Variants in RASA1 observed in about 807,000 individuals in gnomAD.
RASA1 encodes ras GTPase-activating protein 1.
Under a neutral mutation model 132.2 loss-of-function variants are expected in RASA1, and 25 were observed. The ratio of observed to expected loss-of-function variants is 0.19; its 90% CI spans 0.14 to 0.26. RASA1 has a LOEUF of 0.26. Among genes scored for constraint, RASA1 ranks in the 10% least tolerant of loss-of-function variants. The pLI is 1.00. For synonymous variants in RASA1, 477 were observed against 449.9 expected, an observed-to-expected ratio of 1.06 and a Z score of -0.76; for missense variants, 964 against 1,299.2, an observed-to-expected ratio of 0.74 and a Z score of 3.97.
chr5:87,316,347 C>A (rs1180930825), intron 1 of RASA1, among the ~76,000 whole-genome samples: 1 of 152,014 alleles, frequency 6.6e-6, no homozygotes, highest in South Asian at 2.1e-4. Flanking sequence ...AAAATAGCTG[C>A]GGAAAAAATA....
intron 1 of RASA1, among the ~76,000 whole-genome samples, chr5:87,280,602 C>T (rs948148467): frequency 6.6e-6 from 1 of 152,206 alleles, no homozygotes; most frequent in African/African-American, 2.4e-5. Flanking sequence ...CGTGAGCCAC[C>T]TCGCCCAGCT....
At chr5:87,280,958 A>G (rs1402473338) in intron 1 of RASA1, among the ~76,000 whole-genome samples, 2 of 150,150 alleles carry the variant, frequency 1.3e-5, no homozygotes, top group African/African-American at 4.9e-5. Context: ...ATAATGTTCC[A>G]TTGCATGTAT....
intron 1 of RASA1, among the ~76,000 whole-genome samples, chr5:87,307,750 C>T (rs1755687247): frequency 6.6e-6 from 1 of 152,084 alleles, no homozygotes; most frequent in Admixed American, 6.5e-5. Context: ...TCTCCAAGAA[C>T]CAACTTTTGT....
chr5:87,365,166 G>C (rs553177523), intron 11 of RASA1, among the ~76,000 whole-genome samples: 6 of 152,292 alleles, frequency 3.9e-5, no homozygotes, highest in African/African-American at 1.4e-4. Flanking sequence ...TTCCTAACCA[G>C]TGTTCCATTA....
At chr5:87,297,354 A>G (rs539021348) in intron 1 of RASA1, among the ~76,000 whole-genome samples, 13 of 152,184 alleles carry the variant, frequency 8.5e-5, no homozygotes, top group Non-Finnish European at 1.6e-4. Flanking sequence ...TGTACTAGGT[A>G]AAAGGAACTG....
intron 1 of RASA1, among the ~76,000 whole-genome samples, chr5:87,311,621 TGCCGCTCAC>T (rs1755917703): frequency 6.6e-6 from 1 of 152,200 alleles, no homozygotes; most frequent in East Asian, 1.9e-4. Flanking sequence ...AGTGCTTAAC[TGCCGCTCAC>T]AGCAGCAGTA....
At chr5:87,309,050 CTT>C (rs1331330713) in intron 1 of RASA1, among the ~76,000 whole-genome samples, 4 of 152,104 alleles carry the variant, frequency 2.6e-5, no homozygotes, top group African/African-American at 9.7e-5. Context: ...AAAAGGTACT[CTT>C]TAATTAAAAA....
At chr5:87,291,233 C>T (rs1369012081) in intron 1 of RASA1, among the ~76,000 whole-genome samples, 1 of 152,114 alleles carries the variant, frequency 6.6e-6, no homozygotes, top group African/African-American at 2.4e-5. Context: ...TGTGACTCCT[C>T]TAGATCTGTA....
At chr5:87,357,310 C>T in intron 9 of RASA1, among the ~76,000 whole-genome samples, 1 of 151,830 alleles carries the variant, frequency 6.6e-6, no homozygotes, top group East Asian at 1.9e-4. Flanking sequence ...TGGCTAGGAT[C>T]TTTTTTCAGG....
intron 1 of RASA1, among the ~76,000 whole-genome samples, chr5:87,281,603 CGGA>C (rs1022369539): frequency 6.6e-6 from 1 of 151,220 alleles, no homozygotes; most frequent in African/African-American, 2.4e-5. Context: ...TTTTTTGAGA[CGGA>C]GGCTTGTTCT....
chr5:87,307,838 C>T (rs1222253013), intron 1 of RASA1, among the ~76,000 whole-genome samples: 3 of 152,102 alleles, frequency 2.0e-5, no homozygotes, highest in Admixed American at 1.3e-4. Context: ...GCGTGCGTTA[C>T]ATTTTAATTA....
chr5:87,376,389 C>T lies in RASA1; in HGVS notation c.2012-4C>T. The T allele has an allele frequency of 6.2e-7, 1 of 1,613,710 alleles. No homozygotes were observed. On this transcript the variant is annotated splice_polypyrimidine_tract_variant and splice_region_variant and intron_variant, in intron 15 of 24. Coordinates refer to ENST00000274376, the MANE Select transcript of RASA1 (RefSeq NM_002890.3). ...AACAATAATTGCTTGTTTTTCTTCC[C>T]AAGTATTTATGCGCTGCCAGTTGAG... is the stretch of plus-strand genomic sequence containing the variant.
rs557799713 is a variant in RASA1 at position 87,337,918 on chromosome 5, C to G, written c.900-56C>G. On this transcript the variant is annotated intron_variant, in intron 4 of 24. Coordinates refer to ENST00000274376, the MANE Select transcript of RASA1 (RefSeq NM_002890.3). ...TCCTATTTTGTGGTATATGACTATT[C>G]TAATCTCTGTATTTAAAATTTTTAA... The G allele has an allele frequency of 8.0e-6, 12 of 1,505,476 alleles. No homozygotes were observed. In the Admixed American group the frequency reaches 1.0e-4, roughly 13 times the overall value. The allele number at this position is 1,505,476 out of a possible 1,614,324, so 93.3% of individuals were successfully genotyped here.
intron 1 of RASA1, among the ~76,000 whole-genome samples, chr5:87,284,693 CTATTTGTTTG>C (rs1561254471): frequency 1.3e-5 from 2 of 152,096 alleles, no homozygotes; most frequent in Admixed American, 6.5e-5. Flanking sequence ...AAGAATATAA[CTATTTGTTTG>C]TATTTGTTTG....
Position 87,268,655 on chromosome 5 carries a change from G to C in RASA1, c.204G>C (p.Gly68=), listed in dbSNP as rs1413345562. 1.2e-6 allele frequency: 2 copies of C among 1,611,314 alleles called. No homozygotes were observed. Among genetic ancestry groups the C allele is most frequent in the Non-Finnish European group, 8.5e-7 (1 of 1,179,080 alleles). ...CTCTGGGTGGCGGAGCCGCTTTGGG[G>C]TCAGAGTTCCTAGGAGCCGGGTCTG... ...AGTLGGGAAL[G]SEFLGAGSVA... The change falls in exon 1 of 25, where the codon GGG becomes GGC. Residue 68 remains glycine, a synonymous_variant. Transcript: ENST00000274376.
intron 20 of RASA1, among the ~76,000 whole-genome samples, chr5:87,381,116 C>A (rs1478238000): frequency 1.3e-5 from 2 of 152,078 alleles, no homozygotes; most frequent in African/African-American, 4.8e-5. Context: ...ACTTCATTAT[C>A]ATTATTCTAT....
chr5:87,383,795 A>G lies in RASA1; in HGVS notation c.2758+15A>G. 9 of 1,594,584 alleles carry G rather than the reference A, an allele frequency of 5.6e-6. No homozygotes were observed. Among genetic ancestry groups the G allele is most frequent in the Non-Finnish European group, 7.7e-6 (9 of 1,163,986 alleles). ...TATCATCTCAGGTAATCAGCTTTTGATACATTTTGAAATTCAAAATATTAG... is the reference window on the plus strand; with the variant it reads ...TATCATCTCAGGTAATCAGCTTTTGGTACATTTTGAAATTCAAAATATTAG... On this transcript the variant is annotated intron_variant, in intron 21 of 24. Transcript: ENST00000274376.
chr5:87,269,183 A>G (rs1426400293), intron 1 of RASA1, 193 bp downstream of exon 1: 3 of 1,604,698 alleles, frequency 1.9e-6, no homozygotes, highest in African/African-American at 2.7e-5. Context: ...GCGTCTTCCT[A>G]CATTTATTGC....
chr5:87,381,493 G>A (rs1761714394), intron 20 of RASA1, among the ~76,000 whole-genome samples: 1 of 152,126 alleles, frequency 6.6e-6, no homozygotes, highest in South Asian at 2.1e-4. Context: ...AAAATAATTA[G>A]GCAACCATTA....
Sources: allele counts gnomAD v4.1 joint callset (sites outside exome capture counted in the v4.1 genomes callset), GRCh38; gene constraint gnomAD v4.1.1; transcripts MANE v1.5; gene names NCBI Gene and HGNC (gene_info 2026-07-23, HGNC 2026-07-21).